The following ETV1 variants were observed in gnomAD, a reference collection of about 807,000 sequenced individuals.
The protein encoded by ETV1 is ETS variant transcription factor 1.
In ETV1, 27 loss-of-function variants were observed where a neutral mutation model predicts 62.3. The observed-to-expected ratio is 0.43, with a 90% CI of 0.32 to 0.60. ETV1 has a LOEUF of 0.60. Among genes scored for constraint, ETV1 ranks in the 20% least tolerant of loss-of-function variants. The probability of loss-of-function intolerance (pLI) is 0.06; values close to 1 mark genes in which losing one functional copy is unlikely to be tolerated. For missense variants in ETV1, 605 were observed against 605.8 expected, an observed-to-expected ratio of 1.00 and a Z score of 0.01; for synonymous variants, 222 against 199.6, an observed-to-expected ratio of 1.11 and a Z score of -0.94.
At chr7:13,955,733 A>T (rs1789358817) in intron 6 of ETV1, among the ~76,000 whole-genome samples, 1 of 152,230 alleles carries the variant, frequency 6.6e-6, no homozygotes, top group South Asian at 2.1e-4. Flanking sequence ...TCACATTTCC[A>T]TACCTAGAGG....
intron 12 of ETV1, among the ~76,000 whole-genome samples, chr7:13,903,374 G>A (rs1188543562): frequency 6.6e-6 from 1 of 152,088 alleles, no homozygotes; most frequent in Non-Finnish European, 1.5e-5. Flanking sequence ...TCAGGGCCTG[G>A]CTATCAGACT....
chr7:13,991,284 G>A (rs943270488), upstream of ETV1: 7 of 152,314 alleles, frequency 4.6e-5, no homozygotes, highest in Non-Finnish European at 1.0e-4. Flanking sequence ...CTGCACTCCT[G>A]GAATAACCCA....
In ETV1 at chr7:13,988,125, T is replaced by C. The variant is rs750167942; in HGVS notation, c.94A>G (p.Arg32Gly). 6.2e-7 allele frequency: 1 copy of C among 1,613,282 alleles called. No homozygotes were observed. Among genetic ancestry groups the C allele is most frequent in the Non-Finnish European group, 8.5e-7 (1 of 1,179,272 alleles). ...CNEKPTNVRKRKFINRDLAHD... is the reference protein window; with the variant it reads ...CNEKPTNVRKGKFINRDLAHD... ...GCCAGATCTCTGTTAATGAATTTTC[T>C]TTTCCTGACATTTGTTGGTTTCTCG... The change falls in exon 4 of 14, where the codon AGA (arginine) becomes GGA (glycine). Residue 32 changes from arginine to glycine, a missense_variant. This residue lies in a region of ETV1 where 426 missense variants were observed against 377.8 expected (regional missense o/e 1.13). Transcript: ENST00000430479.
upstream of ETV1, chr7:13,990,409 A>G: frequency 6.6e-6 from 1 of 152,392 alleles, no homozygotes; most frequent in African/African-American, 2.4e-5. Context: ...AATGGTCCCT[A>G]CGTGTGCACT....
chr7:13,976,425 T>C (rs1293431849), intron 6 of ETV1, among the ~76,000 whole-genome samples: 1 of 152,202 alleles, frequency 6.6e-6, no homozygotes, highest in Non-Finnish European at 1.5e-5. Flanking sequence ...TTGAAACATG[T>C]AACATGTTAG....
chr7:13,955,513 G>A (rs550316817), intron 6 of ETV1, among the ~76,000 whole-genome samples: 92 of 152,178 alleles, frequency 6.0e-4, no homozygotes, highest in African/African-American at 2.1e-3. Context: ...CACAAACCCA[G>A]CCATTGCCAA....
At position 13,942,262 on chromosome 7, in the gene ETV1, A is replaced by G. The variant is rs186983545; in HGVS notation, c.236-3016T>C. Reference sequence around the variant, plus strand: ...ATGGTCTCGATCTCCTGACCTCGTGATCCGCCTGCCTCGGCCTCCCAAAAT... The same window carrying G: ...ATGGTCTCGATCTCCTGACCTCGTGGTCCGCCTGCCTCGGCCTCCCAAAAT... On this transcript the variant is annotated intron_variant, in intron 6 of 13. Coordinates refer to ENST00000430479, the MANE Select transcript of ETV1 (RefSeq NM_004956.5). Among the ~76,000 whole-genome samples the G allele has an allele frequency of 9.1e-3, 1,383 of 152,120 alleles. 15 individuals carry two copies. Among genetic ancestry groups the G allele is most frequent in the African/African-American group, 0.031 (1,294 of 41,492 alleles).
chr7:13,964,317 G>C (rs1024859684), intron 6 of ETV1, among the ~76,000 whole-genome samples: 1 of 152,086 alleles, frequency 6.6e-6, no homozygotes, highest in South Asian at 2.1e-4. Flanking sequence ...AACCATGTTC[G>C]GTGGCCTTGA....
intron 9 of ETV1, among the ~76,000 whole-genome samples, chr7:13,920,111 C>A (rs1784666773): frequency 6.6e-6 from 1 of 152,076 alleles, no homozygotes; most frequent in Non-Finnish European, 1.5e-5. Flanking sequence ...TTGCCTTTTT[C>A]CAAGCTAGTA....
intron 6 of ETV1, among the ~76,000 whole-genome samples, chr7:13,965,935 C>G (rs573280519): frequency 6.6e-6 from 1 of 152,224 alleles, no homozygotes; most frequent in South Asian, 2.1e-4. Context: ...TCATTCAATT[C>G]AGTATTCAAT....
intron 6 of ETV1, among the ~76,000 whole-genome samples, chr7:13,949,546 A>G (rs1191793462): frequency 6.6e-6 from 1 of 152,076 alleles, no homozygotes; most frequent in Non-Finnish European, 1.5e-5. Flanking sequence ...ACCTCTTCCA[A>G]GCCCTCCCCA....
intron 9 of ETV1, among the ~76,000 whole-genome samples, chr7:13,930,456 G>C (rs1785960289): frequency 6.6e-6 from 1 of 152,114 alleles, no homozygotes; most frequent in East Asian, 1.9e-4. Context: ...CAAGTAGCTG[G>C]GACTACAGGC....
chr7:13,901,011 T>G (rs1361378028), intron 12 of ETV1, among the ~76,000 whole-genome samples, 172 bp from the exon 13 acceptor site: 13 of 152,020 alleles, frequency 8.6e-5, no homozygotes, highest in Admixed American at 8.5e-4. Flanking sequence ...TTTGCTTTTT[T>G]TTTTTTTTTT....
chr7:13,910,341 G>A (rs936918220), intron 10 of ETV1, among the ~76,000 whole-genome samples: 3 of 145,414 alleles, frequency 2.1e-5, no homozygotes, highest in Non-Finnish European at 3.0e-5. Flanking sequence ...GTGAACTTTC[G>A]TTGTTGCTAT....
chr7:13,908,170 T>A (rs1783173647), intron 11 of ETV1, among the ~76,000 whole-genome samples: 1 of 152,170 alleles, frequency 6.6e-6, no homozygotes, highest in Non-Finnish European at 1.5e-5. Context: ...ACATTACTTA[T>A]AAAATACAAG....
At chr7:13,913,946 G>A (rs1455675961) in intron 9 of ETV1, among the ~76,000 whole-genome samples, 5 of 130,728 alleles carry the variant, frequency 3.8e-5, no homozygotes, top group Admixed American at 9.1e-5. Flanking sequence ...GTGCAGTGCC[G>A]TGATCTCAGC....
chr7:13,962,253 A>C (rs1442835856), intron 6 of ETV1, among the ~76,000 whole-genome samples: 2 of 151,538 alleles, frequency 1.3e-5, no homozygotes, highest in Non-Finnish European at 1.5e-5. Context: ...TAGGGGAGAT[A>C]ATATTTATCC....
chr7:13,930,006 G>T (rs1242111687), intron 9 of ETV1, among the ~76,000 whole-genome samples: 1 of 152,086 alleles, frequency 6.6e-6, no homozygotes, highest in African/African-American at 2.4e-5. Flanking sequence ...ACTCAGCAGA[G>T]GACGCAATAC....
intron 8 of ETV1, 125 bp from the exon 9 acceptor site, chr7:13,931,874 A>C (rs1245143062): frequency 1.8e-6 from 2 of 1,142,374 alleles, no homozygotes; most frequent in Non-Finnish European, 2.5e-6. Context: ...GTAAATCTTT[A>C]ACAAGCATTA....
Sources: allele counts gnomAD v4.1 joint callset (sites outside exome capture counted in the v4.1 genomes callset), GRCh38; gene constraint gnomAD v4.1.1; regional missense constraint gnomAD v4.1.1; transcripts MANE v1.5; gene names NCBI Gene and HGNC (gene_info 2026-07-23, HGNC 2026-07-21).